GALNTL6: variants seen among roughly 807,000 people sequenced by gnomAD.
GALNTL6 encodes polypeptide N-acetylgalactosaminyltransferase-like 6.
GALNTL6 carries 46 observed loss-of-function variants against 73.7 expected under a neutral mutation model. The observed-to-expected ratio is 0.62, with a 90% CI of 0.49 to 0.80. The LOEUF (loss-of-function observed/expected upper bound fraction) is 0.80, where lower values mean the gene tolerates loss of function less well. Ranked by LOEUF, GALNTL6 falls within the 30% of genes least tolerant of loss-of-function variation. GALNTL6 has a pLI of 0.00. For synonymous variants in GALNTL6, 259 were observed against 263.7 expected, an observed-to-expected ratio of 0.98 and a Z score of 0.17; for missense variants, 604 against 755.0, an observed-to-expected ratio of 0.80 and a Z score of 2.34.
intron 2 of GALNTL6, among the ~76,000 whole-genome samples, chr4:172,060,245 G>A (rs891417259): frequency 6.6e-6 from 1 of 151,854 alleles, no homozygotes; most frequent in Non-Finnish European, 1.5e-5. Flanking sequence ...TTCTATAAGG[G>A]CAAAATACAA....
At chr4:172,037,739 T>C (rs1375866819) in intron 2 of GALNTL6, among the ~76,000 whole-genome samples, 1 of 152,186 alleles carries the variant, frequency 6.6e-6, no homozygotes, top group Non-Finnish European at 1.5e-5. Flanking sequence ...ATGAGCAATA[T>C]TGCTATATCC....
intron 2 of GALNTL6, among the ~76,000 whole-genome samples, chr4:171,940,745 G>A (rs1045369182): frequency 1.3e-5 from 2 of 151,742 alleles, no homozygotes; most frequent in Admixed American, 1.3e-4. Context: ...GTAAACCCGG[G>A]AGGCGGAGCT....
At chr4:172,749,184 A>G (rs1192495186) in intron 5 of GALNTL6, among the ~76,000 whole-genome samples, 1 of 152,004 alleles carries the variant, frequency 6.6e-6, no homozygotes, top group Non-Finnish European at 1.5e-5. Flanking sequence ...ATTTAAAAAG[A>G]TAACCACAAA....
intron 2 of GALNTL6, among the ~76,000 whole-genome samples, chr4:172,016,606 T>C (rs1018445583): frequency 6.6e-6 from 1 of 152,116 alleles, no homozygotes; most frequent in African/African-American, 2.4e-5. Context: ...GATCCATTGC[T>C]AGGAAGCTAG....
At chr4:172,356,625 C>G (rs1174407480) in intron 5 of GALNTL6, among the ~76,000 whole-genome samples, 1 of 152,072 alleles carries the variant, frequency 6.6e-6, no homozygotes, top group Admixed American at 6.6e-5. Flanking sequence ...ACAAAATTCT[C>G]CCCTAATAAG....
chr4:172,159,840 G>A (rs1734398799), intron 2 of GALNTL6, among the ~76,000 whole-genome samples: 1 of 152,146 alleles, frequency 6.6e-6, no homozygotes, highest in South Asian at 2.1e-4. Flanking sequence ...ATTGGAGGAA[G>A]GAAAGACAAC....
At chr4:172,802,930 T>C (rs1043642359) in intron 5 of GALNTL6, among the ~76,000 whole-genome samples, 9 of 152,208 alleles carry the variant, frequency 5.9e-5, no homozygotes, top group African/African-American at 2.2e-4. Context: ...TAGTTATAGA[T>C]TAGAAGAAGT....
intron 7 of GALNTL6, among the ~76,000 whole-genome samples, chr4:172,834,094 G>T (rs1742781447): frequency 6.6e-6 from 1 of 152,152 alleles, no homozygotes; most frequent in African/African-American, 2.4e-5. Context: ...TCCAGCCTGG[G>T]CAACAAGAGG....
intron 2 of GALNTL6, among the ~76,000 whole-genome samples, chr4:172,176,312 C>T (rs112977507): frequency 0.38 from 45,001 of 118,964 alleles, 7,930 homozygotes; most frequent in Middle Eastern, 0.51. Context: ...TGCACTCCAA[C>T]CTGGGCGACA....
chr4:172,759,911 A>ACTG (rs2110818963), intron 5 of GALNTL6, among the ~76,000 whole-genome samples: 1 of 132,812 alleles, frequency 7.5e-6, no homozygotes, highest in African/African-American at 3.0e-5. Flanking sequence ...ATCTCGGCTC[A>ACTG]CTGCAAGCTC....
intron 8 of GALNTL6, among the ~76,000 whole-genome samples, chr4:172,885,326 T>G (rs1745663327): frequency 6.6e-6 from 1 of 152,152 alleles, no homozygotes; most frequent in South Asian, 2.1e-4. Context: ...TTATTTCACT[T>G]CTTTAGTTAA....
chr4:172,239,210 G>A (rs1231096898), intron 3 of GALNTL6, among the ~76,000 whole-genome samples: 4 of 152,306 alleles, frequency 2.6e-5, no homozygotes, highest in African/African-American at 9.6e-5. Context: ...GAATTTGGCT[G>A]TGAATCCATC....
chr4:171,859,749 G>A (rs975651656), intron 2 of GALNTL6, among the ~76,000 whole-genome samples: 2 of 152,108 alleles, frequency 1.3e-5, no homozygotes, highest in Non-Finnish European at 2.9e-5. Flanking sequence ...TGGTGTCCAG[G>A]GTTTATGTTT....
In GALNTL6 at chr4:172,981,347, A is replaced by G. The variant is rs144002397; in HGVS notation, c.1372-27831A>G. Among the ~76,000 whole-genome samples the G allele has an allele frequency of 3.9e-3, 591 of 152,336 alleles. 9 individuals are homozygous for G. The highest frequency in any genetic ancestry group is 0.023 in the South Asian group (112 of 4,826). On this transcript the variant is annotated intron_variant, in intron 10 of 12. Transcript: ENST00000506823. ...TGCACGAGGGTTCCAATTTCTCCAC[A>G]TACTTGCCAACACTTGTAGTTTTCC...
chr4:172,736,864 G>A (rs368499854), intron 5 of GALNTL6, among the ~76,000 whole-genome samples: 1 of 152,178 alleles, frequency 6.6e-6, no homozygotes, highest in African/African-American at 2.4e-5. Context: ...TTCTGAGAGT[G>A]TATAAGTCTT....
intron 2 of GALNTL6, among the ~76,000 whole-genome samples, chr4:172,218,134 TAGCCTTCATAAGTTCCC>T (rs1277474585): frequency 3.9e-5 from 6 of 152,268 alleles, no homozygotes; most frequent in African/African-American, 9.6e-5. Flanking sequence ...TCCTGGAATG[TAGCCTTCATAAGTTCCC>T]CTTCATAAGT....
chr4:171,862,123 A>G (rs1369802382), intron 2 of GALNTL6, among the ~76,000 whole-genome samples: 1 of 152,144 alleles, frequency 6.6e-6, no homozygotes, highest in Non-Finnish European at 1.5e-5. Context: ...AGATTTTTCC[A>G]TTGCAATTCA....
At chr4:172,608,458 T>C (rs2111042749) in intron 5 of GALNTL6, among the ~76,000 whole-genome samples, 1 of 151,954 alleles carries the variant, frequency 6.6e-6, no homozygotes, top group East Asian at 1.9e-4. Context: ...TGCTTTGTTC[T>C]TGGGTTCTCT....
chr4:171,863,311 T>C (rs544843198), intron 2 of GALNTL6, among the ~76,000 whole-genome samples: 6 of 152,322 alleles, frequency 3.9e-5, no homozygotes, highest in Admixed American at 6.5e-5. Context: ...TTGGGATCTA[T>C]TGTAGACCTC....
Sources: gnomAD v4.1 joint callset for allele counts (sites outside exome capture counted in the v4.1 genomes callset) on GRCh38, gnomAD v4.1.1 for gene constraint, MANE v1.5 for transcripts, NCBI Gene and HGNC (gene_info 2026-07-23, HGNC 2026-07-21) for gene names.